Variants in P2RY2 observed in about 807,000 individuals in gnomAD.
P2RY2 encodes the protein P2Y purinoceptor 2.
For synonymous variants in P2RY2, 241 were observed against 231.9 expected (o/e 1.04, Z -0.35); for missense variants, 567 against 515.7 (o/e 1.10, Z -0.96).
intron 1 of P2RY2, among the ~76,000 whole-genome samples, chr11:73,219,662 G>A: frequency 6.6e-6 from 1 of 152,172 alleles, no homozygotes; most frequent in East Asian, 1.9e-4. Context: ...GGGACTTAAG[G>A]TATTTGATAA....
At chr11:73,226,334 G>A (rs771771518) in intron 1 of P2RY2, among the ~76,000 whole-genome samples, 1 of 152,172 alleles carries the variant, frequency 6.6e-6, no homozygotes, top group African/African-American at 2.4e-5. Flanking sequence ...GGAGGAGACA[G>A]GGTGTGCACC....
At chr11:73,234,117 G>A (rs773389744) in intron 2 of P2RY2, 39 bp from the exon 3 acceptor site, 2 of 1,563,128 alleles carry the variant, frequency 1.3e-6, no homozygotes, top group Non-Finnish European at 1.7e-6. Context: ...GGGCGCTCCG[G>A]CCACAACCCT....
In P2RY2 at chr11:73,240,585, A is replaced by C. The variant is rs373368894; in HGVS notation, c.*5292A>C. 6.6e-6 allele frequency: 1 copy of C among 152,250 alleles called. No homozygotes were observed. Among genetic ancestry groups the C allele is most frequent in the East Asian group, 1.9e-4 (1 of 5,192 alleles). The allele number at this position is 152,250 out of a possible 1,614,324, so 9.4% of individuals were successfully genotyped here. ...AGGGATTGTTTGGCTGCTTAGTGGGACTGGTGGCCCAGAGAGGGCTGTGCC... is the reference window on the plus strand; with the variant it reads ...AGGGATTGTTTGGCTGCTTAGTGGGCCTGGTGGCCCAGAGAGGGCTGTGCC... On this transcript the variant is annotated 3_prime_UTR_variant, in exon 3 of 3. Transcript: ENST00000393597.
chr11:73,225,224 G>A (rs1862244543), intron 1 of P2RY2, among the ~76,000 whole-genome samples: 1 of 152,224 alleles, frequency 6.6e-6, no homozygotes, highest in Non-Finnish European at 1.5e-5. Context: ...AACCACCCTG[G>A]AAATTCTGCA....
chr11:73,223,230 T>G (rs1439460304), intron 1 of P2RY2, among the ~76,000 whole-genome samples: 1 of 152,200 alleles, frequency 6.6e-6, no homozygotes, highest in Non-Finnish European at 1.5e-5. Flanking sequence ...TGGTTCCTGG[T>G]TGATGCTTTC....
chr11:73,234,367 A>C lies in P2RY2; in HGVS notation c.208A>C (p.Thr70Pro), dbSNP rs1227246545. Reference protein sequence around the residue: ...CRLKTWNASTTYMFHLAVSDA... With the variant: ...CRLKTWNASTPYMFHLAVSDA... ...CCTCAAGACCTGGAATGCGTCCACCACATATATGTTCCACCTGGCTGTGTC... is the reference window on the plus strand; with the variant it reads ...CCTCAAGACCTGGAATGCGTCCACCCCATATATGTTCCACCTGGCTGTGTC... Residue 70 changes from threonine to proline, a missense_variant, in exon 3 of 3, where the codon ACA becomes CCA. Thr to Pro is a conservative substitution (Grantham distance 38, BLOSUM62 -1). Transcript: ENST00000393597. 1.9e-6 allele frequency: 3 copies of C among 1,614,056 alleles called. No homozygotes were observed. In the Admixed American group the frequency reaches 5.0e-5, roughly 27 times the overall value.
chr11:73,225,822 A>G (rs998588538), intron 1 of P2RY2, among the ~76,000 whole-genome samples: 4 of 152,190 alleles, frequency 2.6e-5, no homozygotes, highest in African/African-American at 9.7e-5. Flanking sequence ...TGTGCCTGAG[A>G]CAGGAAGATG....
chr11:73,231,262 C>G (rs1451199460), intron 2 of P2RY2, among the ~76,000 whole-genome samples: 1 of 151,940 alleles, frequency 6.6e-6, no homozygotes, highest in Non-Finnish European at 1.5e-5. Context: ...AGAAGGGAAA[C>G]TGGCCAGGCG....
At chr11:73,227,236 T>C (rs1591630735) in intron 1 of P2RY2, among the ~76,000 whole-genome samples, 1 of 152,242 alleles carries the variant, frequency 6.6e-6, no homozygotes, top group Non-Finnish European at 1.5e-5. Flanking sequence ...GCTTCATCCA[T>C]GTCCCTGCAA....
chr11:73,237,649 T>A lies in P2RY2; in HGVS notation c.*2356T>A, dbSNP rs1862686451. On this transcript the variant is annotated 3_prime_UTR_variant, in exon 3 of 3. Transcript: ENST00000393597. Reference sequence around the variant, plus strand: ...GGACACAGGAGGGGCTCGTTCACCATCTAATCCTGTGGCAGGCACAGGTGG... The same window carrying A: ...GGACACAGGAGGGGCTCGTTCACCAACTAATCCTGTGGCAGGCACAGGTGG... Among the ~76,000 whole-genome samples the A allele has an allele frequency of 1.3e-5, 2 of 152,222 alleles. No individual in the cohort carries two copies. Among genetic ancestry groups the A allele is most frequent in the Middle Eastern group, 6.8e-3 (2 of 294 alleles).
chr11:73,234,647 C>T lies in P2RY2; in HGVS notation c.488C>T (p.Ala163Val). The change falls in exon 3 of 3, where the codon GCC (alanine) becomes GTC (valine). Residue 163 changes from alanine (A) to valine (V), a missense_variant. Transcript: ENST00000393597. Reference sequence around the variant, plus strand: ...GGGGCCGTGTGGGTGTTGGTGCTGGCCTGCCAGGCCCCCGTGCTCTACTTT... The same window carrying T: ...GGGGCCGTGTGGGTGTTGGTGCTGGTCTGCCAGGCCCCCGTGCTCTACTTT... ...VAGAVWVLVL[A>V]CQAPVLYFVT... 6.3e-7 allele frequency: 1 copy of T among 1,578,366 alleles called. No homozygotes were observed. The highest frequency in any genetic ancestry group is 8.6e-7 in the Non-Finnish European group (1 of 1,161,310).
intron 1 of P2RY2, among the ~76,000 whole-genome samples, chr11:73,226,973 A>C (rs1426148331): frequency 2.0e-5 from 3 of 152,074 alleles, no homozygotes; most frequent in Non-Finnish European, 4.4e-5. Flanking sequence ...TTACATGTTC[A>C]GAACGTACAG....
At chr11:73,219,123 G>A (rs1455989175) in intron 1 of P2RY2, among the ~76,000 whole-genome samples, 2 of 152,220 alleles carry the variant, frequency 1.3e-5, no homozygotes, top group Non-Finnish European at 1.5e-5. Context: ...GACTGCTGGA[G>A]ACCAGAATTG....
chr11:73,224,689 C>G (rs1290147269), intron 1 of P2RY2, among the ~76,000 whole-genome samples: 1 of 152,124 alleles, frequency 6.6e-6, no homozygotes, highest in Non-Finnish European at 1.5e-5. Flanking sequence ...GACTGCCTTC[C>G]CCCTGAGGAT....
intron 2 of P2RY2, among the ~76,000 whole-genome samples, chr11:73,231,137 CTCCTGG>C (rs892958473): frequency 4.6e-5 from 7 of 152,172 alleles, no homozygotes; most frequent in African/African-American, 1.7e-4. Context: ...TTTGCCCTGG[CTCCTGG>C]GGAGCCATCT....
rs543961483 is a variant in P2RY2 at position 73,239,057 on chromosome 11, A to G, written c.*3764A>G. The G allele has an allele frequency of 1.3e-5, 2 of 152,364 alleles. No individual in the cohort carries two copies. The highest frequency in any genetic ancestry group is 1.5e-5 in the Non-Finnish European group (1 of 68,044). 9.4% of individuals were successfully genotyped at this position (152,364 alleles called of 1,614,324 possible). On this transcript the variant is annotated 3_prime_UTR_variant, in exon 3 of 3. Coordinates refer to ENST00000393597, the MANE Select transcript of P2RY2 (RefSeq NM_002564.4). Reference sequence around the variant, plus strand: ...GGGCGTTGAGGGGCTTCCCTACGTTATTACGCACAAAGTCCTCCTCACAGT... The same window carrying G: ...GGGCGTTGAGGGGCTTCCCTACGTTGTTACGCACAAAGTCCTCCTCACAGT...
chr11:73,235,430 G>A lies in P2RY2; in HGVS notation c.*137G>A. 6.9e-7 allele frequency: 1 copy of A among 1,442,158 alleles called. No homozygotes were observed. The highest frequency in any genetic ancestry group is 1.4e-5 in the African/African-American group (1 of 70,110). 89.3% of individuals were successfully genotyped at this position (1,442,158 alleles called of 1,614,324 possible). A position where few individuals can be genotyped will look rare whatever the true frequency, so the allele number is the denominator to read the frequency against. ...TGACCCCATGCTCCGTCATTTGACA[G>A]GGGCTCAGGATATTCACTCTGTGGT... On this transcript the variant is annotated 3_prime_UTR_variant, in exon 3 of 3. Transcript: ENST00000393597.
chr11:73,220,926 C>G (rs766169676), intron 1 of P2RY2, among the ~76,000 whole-genome samples: 2 of 152,136 alleles, frequency 1.3e-5, no homozygotes, highest in Non-Finnish European at 2.9e-5. Flanking sequence ...AGAGCTTTGA[C>G]TTAATGGCTA....
rs780809118 is a variant in P2RY2, at chr11:73,234,891, G to A, written c.732G>A (p.Val244=). Residue 244 remains valine, a synonymous_variant, in exon 3 of 3, where the codon GTG becomes GTA. Coordinates refer to ENST00000393597, the MANE Select transcript of P2RY2 (RefSeq NM_002564.4). ...GGLPRAKRKS[V]RTIAVVLAVF... ...TGCCTAGGGCCAAGCGCAAGTCCGT[G>A]CGCACCATCGCCGTGGTGCTGGCTG... is the stretch of plus-strand genomic sequence containing the variant. 7 of 1,610,592 alleles carry A rather than the reference G, an allele frequency of 4.3e-6. No individual in the cohort carries two copies. Among genetic ancestry groups the A allele is most frequent in the Middle Eastern group, 1.6e-4 (1 of 6,084 alleles).
Sources: gnomAD v4.1 joint callset for allele counts (sites outside exome capture counted in the v4.1 genomes callset) on GRCh38, gnomAD v4.1.1 for gene constraint, MANE v1.5 for transcripts, NCBI Gene and HGNC (gene_info 2026-07-23, HGNC 2026-07-21) for gene names.